Variants in DST observed in about 807,000 individuals in gnomAD.
The protein encoded by DST is bullous pemphigoid antigen.
DST carries 253 observed loss-of-function variants against 875.2 expected under a neutral mutation model. The observed-to-expected ratio is 0.29, with a 90% confidence interval of 0.26 to 0.32. The LOEUF (loss-of-function observed/expected upper bound fraction) is 0.32, where lower values mean the gene tolerates loss of function less well. Among genes scored for constraint, DST ranks in the 10% least tolerant of loss-of-function variants. The pLI, the probability that DST is intolerant of heterozygous loss-of-function variation, is 1.00. For missense variants in DST, 8,287 were observed against 9,111.6 expected (o/e 0.91, Z 3.68); for synonymous variants, 3,124 against 3,197.1 (o/e 0.98, Z 0.77).
intron 101 of DST, 77 bp from the exon 102 acceptor site, chr6:56,463,233 G>A (rs1582010833): frequency 1.2e-6 from 1 of 831,802 alleles, no homozygotes. Context: ...GATATTCATA[G>A]CAAAGAGTCA....
At position 56,492,282 on chromosome 6, in the gene DST, T is replaced by C; in HGVS notation, c.20702A>G (p.Gln6901Arg). Residue 6901 changes from glutamine to arginine, a missense_variant, in exon 85 of 104, where the codon CAA becomes CGA. Gln to Arg is a conservative substitution (Grantham distance 43, BLOSUM62 1). Transcript: ENST00000680361. ...AGATCTTCCTCTCTCTACCAACCGT[T>C]GAACCACTTTTTCCCATCGACTTTG... ...SVQSRWEKVV[Q>R]RLVERGRSLD... 6 of 1,613,906 alleles carry C rather than the reference T, an allele frequency of 3.7e-6. No individual in the cohort carries two copies. The highest frequency in any genetic ancestry group is 5.1e-6 in the Non-Finnish European group (6 of 1,179,818).
intron 4 of DST, among the ~76,000 whole-genome samples, chr6:56,745,467 C>T (rs187958572): frequency 4.6e-5 from 7 of 152,068 alleles, no homozygotes; most frequent in South Asian, 2.1e-4. Context: ...TGGTAGTACA[C>T]GAAGAAATTA....
chr6:56,625,063 C>T (rs1198195231), intron 35 of DST, 94 bp downstream of exon 35: 1 of 859,360 alleles, frequency 1.2e-6, no homozygotes, highest in East Asian at 2.6e-5. Flanking sequence ...AAGTTTTATA[C>T]TATGTATATT....
At chr6:56,725,561 T>C (rs1359270699) in intron 5 of DST, among the ~76,000 whole-genome samples, 1 of 152,100 alleles carries the variant, frequency 6.6e-6, no homozygotes, top group East Asian at 1.9e-4. Context: ...AAGAGGGTGA[T>C]TCTAAGGAAT....
chr6:56,497,092 CA>C (rs1253888463), intron 82 of DST, among the ~76,000 whole-genome samples: 1 of 151,882 alleles, frequency 6.6e-6, no homozygotes, highest in African/African-American at 2.4e-5. Flanking sequence ...TGCAGGACAC[CA>C]GCATGGCACA....
At chr6:56,537,072 C>A in intron 61 of DST, 132 bp from the exon 62 acceptor site, 1 of 760,788 alleles carries the variant, frequency 1.3e-6, no homozygotes, top group Non-Finnish European at 2.1e-6. Flanking sequence ...TTTTTATTGT[C>A]TAGCCATAGG....
intron 9 of DST, among the ~76,000 whole-genome samples, chr6:56,688,772 A>C (rs2152854968): frequency 6.6e-6 from 1 of 152,350 alleles, no homozygotes; most frequent in South Asian, 2.1e-4. Flanking sequence ...TTATGAACAA[A>C]CAATGAGATA....
chr6:56,490,852 A>ATG (rs1466299412), intron 85 of DST, among the ~76,000 whole-genome samples: 5 of 152,212 alleles, frequency 3.3e-5, no homozygotes, highest in Non-Finnish European at 7.4e-5. Flanking sequence ...AGCCATATAA[A>ATG]TAGAGGAAAT....
chr6:56,526,320 G>C, intron 69 of DST, 41 bp downstream of exon 69: 1 of 1,598,148 alleles, frequency 6.3e-7, no homozygotes, highest in Non-Finnish European at 8.6e-7. Context: ...AGAACAGCTG[G>C]AGAAAATTTA....
chr6:56,767,789 A>T (rs2152973180), intron 4 of DST, among the ~76,000 whole-genome samples: 1 of 152,290 alleles, frequency 6.6e-6, no homozygotes, highest in East Asian at 1.9e-4. Context: ...ATGATCAGAG[A>T]GTCCCCATTG....
At chr6:56,761,008 T>C (rs1053179345) in intron 4 of DST, among the ~76,000 whole-genome samples, 1 of 151,986 alleles carries the variant, frequency 6.6e-6, no homozygotes, top group South Asian at 2.1e-4. Flanking sequence ...CTAAAGTAAC[T>C]GTGTTAGAGT....
intron 10 of DST, among the ~76,000 whole-genome samples, chr6:56,658,504 T>C (rs2099022124): frequency 6.6e-6 from 1 of 152,220 alleles, no homozygotes; most frequent in African/African-American, 2.4e-5. Flanking sequence ...AGAACTCAAC[T>C]GATTTACCCA....
At chr6:56,611,705 T>G in intron 37 of DST, 109 bp from the exon 38 acceptor site, 1 of 732,216 alleles carries the variant, frequency 1.4e-6, no homozygotes, top group Non-Finnish European at 2.2e-6. Context: ...AAGTCTATTT[T>G]CTGGGTGACC....
chr6:56,932,292 C>T (rs1213715011), intron 2 of DST, among the ~76,000 whole-genome samples: 3 of 152,114 alleles, frequency 2.0e-5, no homozygotes, highest in East Asian at 3.8e-4. Flanking sequence ...TTTTGCTTCC[C>T]GCCATGATTC....
At chr6:56,765,990 A>G (rs1403748604) in intron 4 of DST, among the ~76,000 whole-genome samples, 1 of 152,204 alleles carries the variant, frequency 6.6e-6, no homozygotes, top group Non-Finnish European at 1.5e-5. Context: ...ATCTGAGCAA[A>G]AGGATTTGTC....
rs761835229 is a variant in DST at position 56,497,427 on chromosome 6, C to A, written c.20175G>T (p.Pro6725=). The change falls in exon 82 of 104, where the codon CCG becomes CCT. Residue 6725 remains proline (P), a synonymous_variant. Transcript: ENST00000680361. The part of the protein sequence containing the change: ...DTERHLLASK[P]LGGLPETAKE... The stretch of plus-strand genomic sequence containing the variant: ...TGGCTGTTTCCGGTAAACCTCCCAG[C>A]GGTTTAGATGCCAACAGATGACGCT... 3 of 1,613,000 alleles carry A rather than the reference C, an allele frequency of 1.9e-6. No individual in the cohort carries two copies. Among genetic ancestry groups the A allele is most frequent in the East Asian group, 2.2e-5 (1 of 44,874 alleles).
rs560428420 is a variant in DST, at chr6:56,844,019, C to T, written c.625+7378G>A. ...CTGAGAAACAAAGCCGCAGATCGCT[C>T]CACCGCTGTGCGCAGCCCCCTGCTG... On this transcript the variant is annotated intron_variant, in intron 4 of 103. Transcript: ENST00000680361. 1.4e-3 allele frequency: 220 copies of T among 152,512 alleles called. 1 individual carries two copies. The highest frequency in any genetic ancestry group is 2.6e-3 in the Non-Finnish European group (178 of 68,176). The allele number at this position is 152,512 out of a possible 1,614,324, so 9.4% of individuals were successfully genotyped here.
At chr6:56,542,201 T>C (rs1485788479) in intron 61 of DST, among the ~76,000 whole-genome samples, 2 of 151,404 alleles carry the variant, frequency 1.3e-5, no homozygotes, top group African/African-American at 4.8e-5. Context: ...TCTAACGTTA[T>C]GAGAAAGTTA....
intron 4 of DST, among the ~76,000 whole-genome samples, chr6:56,736,170 G>A (rs371631686): frequency 1.3e-5 from 2 of 152,090 alleles, no homozygotes; most frequent in East Asian, 1.9e-4. Flanking sequence ...GATTACAGAC[G>A]TGAGCCACCA....
Sources: gnomAD v4.1 joint callset for allele counts (sites outside exome capture counted in the v4.1 genomes callset) on GRCh38, gnomAD v4.1.1 for gene constraint, MANE v1.5 for transcripts, NCBI Gene and HGNC (gene_info 2026-07-23, HGNC 2026-07-21) for gene names.